Variants in MED13L observed in about 807,000 individuals in gnomAD.
The protein encoded by MED13L is mediator complex subunit 13L, also known as mediator of RNA polymerase II transcription subunit 13-like.
In MED13L, 7 loss-of-function variants were observed where a neutral mutation model predicts 220.9. The observed-to-expected ratio is 0.03, with a 90% CI of 0.02 to 0.06. MED13L has a LOEUF of 0.06. Among genes scored for constraint, MED13L ranks in the 10% least tolerant of loss-of-function variants. The probability of loss-of-function intolerance (pLI) is 1.00; values close to 1 mark genes in which losing one functional copy is unlikely to be tolerated. For missense variants in MED13L, 1,965 were observed against 2,760.5 expected (o/e 0.71, Z 6.46); for synonymous variants, 1,011 against 1,015.2 (o/e 1.00, Z 0.08).
intron 2 of MED13L, among the ~76,000 whole-genome samples, chr12:116,169,680 T>C (rs1879533585): frequency 6.6e-6 from 1 of 152,156 alleles, no homozygotes; most frequent in East Asian, 1.9e-4. Context: ...ACTAAACAAA[T>C]GGTATTTGCT....
intron 3 of MED13L, among the ~76,000 whole-genome samples, chr12:116,107,939 A>C (rs748210902): frequency 6.6e-6 from 1 of 152,118 alleles, no homozygotes; most frequent in Non-Finnish European, 1.5e-5. Flanking sequence ...AAAATACAAA[A>C]ATTAGCTGGG....
chr12:116,272,874 T>C (rs777769761), intron 1 of MED13L, among the ~76,000 whole-genome samples: 1 of 152,198 alleles, frequency 6.6e-6, no homozygotes, highest in African/African-American at 2.4e-5. Flanking sequence ...TTACTAGCAA[T>C]TGGAGGTTAA....
intron 2 of MED13L, among the ~76,000 whole-genome samples, chr12:116,227,275 A>C (rs937049855): frequency 1.1e-4 from 16 of 152,342 alleles, no homozygotes; most frequent in African/African-American, 3.8e-4. Context: ...AAGAAAAAAT[A>C]AGGGGTAAAG....
chr12:116,103,294 C>T (rs1316986501), intron 3 of MED13L, among the ~76,000 whole-genome samples: 1 of 152,190 alleles, frequency 6.6e-6, no homozygotes, highest in Non-Finnish European at 1.5e-5. Context: ...CACTCTGTTG[C>T]CCAGGCTGGA....
chr12:116,026,150 T>A (rs1880378646), intron 4 of MED13L, among the ~76,000 whole-genome samples: 1 of 152,138 alleles, frequency 6.6e-6, no homozygotes, highest in Non-Finnish European at 1.5e-5. Context: ...AAAAAAAGGA[T>A]GTCGGGGGCC....
chr12:116,186,652 A>G (rs921245233), intron 2 of MED13L, among the ~76,000 whole-genome samples: 2 of 152,174 alleles, frequency 1.3e-5, no homozygotes, highest in African/African-American at 2.4e-5. Flanking sequence ...AAAGTGCAAA[A>G]GCTGGTACTA....
intron 1 of MED13L, among the ~76,000 whole-genome samples, chr12:116,273,218 C>T (rs1272659501): frequency 6.6e-6 from 1 of 152,020 alleles, no homozygotes; most frequent in African/African-American, 2.4e-5. Flanking sequence ...GGAGGAGAAT[C>T]GCTAGAACCT....
At chr12:116,054,619 C>T (rs1236193206) in intron 4 of MED13L, among the ~76,000 whole-genome samples, 1 of 152,172 alleles carries the variant, frequency 6.6e-6, no homozygotes, top group Non-Finnish European at 1.5e-5. Flanking sequence ...ACGGTAATGA[C>T]TCCTACTGTC....
At position 116,015,100 on chromosome 12, in the gene MED13L, A is replaced by G. The variant is rs763984820; in HGVS notation, c.1175+9T>C. On this transcript the variant is annotated intron_variant, in intron 8 of 30. Coordinates refer to ENST00000281928, the MANE Select transcript of MED13L (RefSeq NM_015335.5). ...AAACTATGATCTAGACATAATCGAG[A>G]AAACTTACTTGGACTGGGTTCTGTT... The G allele has an allele frequency of 1.9e-6, 3 of 1,611,522 alleles. No individual in the cohort carries two copies. Among genetic ancestry groups the G allele is most frequent in the Non-Finnish European group, 2.5e-6 (3 of 1,177,738 alleles).
At position 116,267,864 on chromosome 12, in the gene MED13L, G is replaced by A. The variant is rs1327001368; in HGVS notation, c.72+9196C>T. Among the ~76,000 whole-genome samples, 5 of 152,304 alleles carry A rather than the reference G, an allele frequency of 3.3e-5. No homozygotes were observed. In the South Asian group the frequency reaches 1.0e-3, roughly 32 times the overall value. ...GAATTCTTATTCCTTTGAGGAGTAAGAACATGTCTCATGATCAGTTGGAAT... is the reference window on the plus strand; with the variant it reads ...GAATTCTTATTCCTTTGAGGAGTAAAAACATGTCTCATGATCAGTTGGAAT... On this transcript the variant is annotated intron_variant, in intron 1 of 30. Transcript: ENST00000281928.
At chr12:116,249,218 G>A (rs1402382333) in intron 1 of MED13L, among the ~76,000 whole-genome samples, 4 of 152,190 alleles carry the variant, frequency 2.6e-5, no homozygotes, top group Non-Finnish European at 5.9e-5. Flanking sequence ...AAACACCTTG[G>A]GCACTGAATA....
chr12:116,008,038 T>C, intron 10 of MED13L: 1 of 329,964 alleles, frequency 3.0e-6, no homozygotes, highest in Non-Finnish European at 5.5e-6. Flanking sequence ...TACATACACC[T>C]GAATGCAGGC....
chr12:116,013,041 A>G (rs1345120102), intron 8 of MED13L, 140 bp from the exon 9 acceptor site: 7 of 692,692 alleles, frequency 1.0e-5, no homozygotes, highest in Non-Finnish European at 1.8e-5. Context: ...CCAATGAATA[A>G]AACAACCTGT....
chr12:116,118,156 T>C (rs901300478), intron 2 of MED13L, among the ~76,000 whole-genome samples: 2 of 152,182 alleles, frequency 1.3e-5, no homozygotes, highest in African/African-American at 4.8e-5. Flanking sequence ...AAAATAATTA[T>C]ATGGTCATTC....
intron 4 of MED13L, among the ~76,000 whole-genome samples, chr12:116,055,735 A>G (rs1868901691): frequency 6.6e-6 from 1 of 152,094 alleles, no homozygotes; most frequent in African/African-American, 2.4e-5. Flanking sequence ...TCTCTACAAA[A>G]CTACAAAAAT....
At chr12:116,042,611 CCT>C (rs1430697824) in intron 4 of MED13L, among the ~76,000 whole-genome samples, 1 of 152,120 alleles carries the variant, frequency 6.6e-6, no homozygotes, top group Non-Finnish European at 1.5e-5. Flanking sequence ...AAATCAGCCC[CCT>C]GAATCAAACT....
At chr12:116,181,663 G>A (rs1346831850) in intron 2 of MED13L, among the ~76,000 whole-genome samples, 3 of 151,902 alleles carry the variant, frequency 2.0e-5, no homozygotes, top group Non-Finnish European at 2.9e-5. Flanking sequence ...CACCATGCCC[G>A]GCTAATTTTT....
chr12:116,211,664 A>C (rs985165416), intron 2 of MED13L, among the ~76,000 whole-genome samples: 9 of 151,918 alleles, frequency 5.9e-5, no homozygotes, highest in Admixed American at 5.2e-4. Context: ...GTTAAGTGAC[A>C]AAAAAAACAG....
chr12:116,222,828 G>C (rs1868572122), intron 2 of MED13L, among the ~76,000 whole-genome samples: 3 of 152,078 alleles, frequency 2.0e-5, no homozygotes, highest in South Asian at 4.1e-4. Flanking sequence ...CAACCCAAAG[G>C]CTATTTTGAT....
Sources: gnomAD v4.1 joint callset for allele counts (sites outside exome capture counted in the v4.1 genomes callset) on GRCh38, gnomAD v4.1.1 for gene constraint, MANE v1.5 for transcripts, NCBI Gene and HGNC (gene_info 2026-07-23, HGNC 2026-07-21) for gene names.